The following SLC5A12 variants were observed in gnomAD, a reference collection of about 807,000 sequenced individuals.
SLC5A12 encodes solute carrier family 5 member 12.
In SLC5A12, 46 loss-of-function variants were observed where a neutral mutation model predicts 72.7. That is an observed-to-expected ratio of 0.63 (90% CI 0.50 to 0.81). SLC5A12 has a LOEUF of 0.81. Among genes scored for constraint, SLC5A12 ranks in the 30% least tolerant of loss-of-function variants. The pLI is 0.00. For missense variants in SLC5A12, 683 were observed against 740.7 expected (o/e 0.92, Z 0.90); for synonymous variants, 275 against 264.4 (o/e 1.04, Z -0.39).
chr11:26,689,415 A>C (rs1280930583), intron 9 of SLC5A12, among the ~76,000 whole-genome samples: 5 of 152,292 alleles, frequency 3.3e-5, no homozygotes, highest in Non-Finnish European at 5.9e-5. Flanking sequence ...AAAGAAAAAA[A>C]AAAGTGCAAT....
At chr11:26,681,710 C>A (rs560902725) in intron 11 of SLC5A12, among the ~76,000 whole-genome samples, 1 of 152,072 alleles carries the variant, frequency 6.6e-6, no homozygotes, top group Non-Finnish European at 1.5e-5. Flanking sequence ...CTAGCAAGTG[C>A]ATTTAATGGT....
intron 3 of SLC5A12, among the ~76,000 whole-genome samples, chr11:26,710,491 C>T (rs559494048): frequency 1.7e-4 from 26 of 152,186 alleles, no homozygotes; most frequent in African/African-American, 6.0e-4. Flanking sequence ...TATTTCTCCA[C>T]ATCCTCTCCA....
intron 13 of SLC5A12, among the ~76,000 whole-genome samples, chr11:26,673,844 T>C (rs1452202715): frequency 1.3e-5 from 2 of 152,154 alleles, no homozygotes. Context: ...GCAGTAATTA[T>C]GCAATTTCTT....
intron 9 of SLC5A12, among the ~76,000 whole-genome samples, chr11:26,690,385 G>T (rs1854638661): frequency 6.6e-6 from 1 of 151,694 alleles, no homozygotes; most frequent in Non-Finnish European, 1.5e-5. Context: ...TGTAATTAAA[G>T]AAAATAAGTA....
intron 3 of SLC5A12, 119 bp downstream of exon 3, chr11:26,711,188 T>C: frequency 1.3e-6 from 1 of 795,938 alleles, no homozygotes; most frequent in Non-Finnish European, 2.1e-6. Context: ...CTAATAGTAA[T>C]TCAGAATCCT....
rs1184083475 is a variant in SLC5A12, at chr11:26,669,159, T to G, written c.*1943A>C. The G allele has an allele frequency of 9.1e-6, 1 of 109,586 alleles. No individual in the cohort carries two copies. The highest frequency in any genetic ancestry group is 8.8e-5 in the Admixed American group (1 of 11,332). The allele number at this position is 109,586 out of a possible 1,614,324, so 6.8% of individuals were successfully genotyped here. A position where few individuals can be genotyped will look rare whatever the true frequency, so the allele number is the denominator to read the frequency against. On this transcript the variant is annotated 3_prime_UTR_variant, in exon 15 of 15. Transcript: ENST00000396005. ...ATTCTTTCTGTCTCTCTCTTCCTCT[T>G]CCTGTCTTTTTCTTTCTTTCTTTCT...
Position 26,703,954 on chromosome 11 carries a change from T to C in SLC5A12, c.526-7A>G, listed in dbSNP as rs780042830. 10 of 1,613,332 alleles carry C rather than the reference T, an allele frequency of 6.2e-6. No homozygotes were observed. The Admixed American group carries it at 1.3e-4, about 22-fold the overall frequency. ...CCACTGCTTTTAATCCTCCCTGAAA[T>C]AGAGAGAATGTTTGAGTCCTTGAAA... is the stretch of plus-strand genomic sequence containing the variant. On this transcript the variant is annotated splice_region_variant and splice_polypyrimidine_tract_variant and intron_variant, in intron 4 of 14. Coordinates refer to ENST00000396005, the MANE Select transcript of SLC5A12 (RefSeq NM_178498.4).
intron 9 of SLC5A12, among the ~76,000 whole-genome samples, chr11:26,689,669 T>G (rs574110266): frequency 2.6e-5 from 4 of 152,308 alleles, no homozygotes; most frequent in African/African-American, 9.6e-5. Flanking sequence ...AGGTGAATTT[T>G]TTTTTACATT....
intron 7 of SLC5A12, among the ~76,000 whole-genome samples, chr11:26,697,942 G>C (rs1170707902): frequency 1.6e-5 from 2 of 125,206 alleles, no homozygotes; most frequent in African/African-American, 3.0e-5. Flanking sequence ...TTGTCGCCCA[G>C]GCTGGAGTGC....
At position 26,681,051 on chromosome 11, in the gene SLC5A12, A is replaced by C; in HGVS notation, c.1475+4T>G. 6.3e-7 allele frequency: 1 copy of C among 1,586,622 alleles called. No homozygotes were observed. Among genetic ancestry groups the C allele is most frequent in the Non-Finnish European group, 8.6e-7 (1 of 1,166,754 alleles). ...ACTTAGCACCATCTATAAAGTCAGC[A>C]TACCTGCTGGATAGTACTGGAGGCC... On this transcript the variant is annotated splice_donor_region_variant and intron_variant, in intron 12 of 14. Coordinates refer to ENST00000396005, the MANE Select transcript of SLC5A12 (RefSeq NM_178498.4).
At chr11:26,680,411 TTC>T (rs1854383540) in intron 12 of SLC5A12, among the ~76,000 whole-genome samples, 2 of 51,374 alleles carry the variant, frequency 3.9e-5, no homozygotes, top group Non-Finnish European at 1.0e-4. Flanking sequence ...ATATATATAT[TTC>T]CTCATTTTTC....
chr11:26,696,554 C>T (rs1305375641), intron 8 of SLC5A12, among the ~76,000 whole-genome samples: 1 of 152,200 alleles, frequency 6.6e-6, no homozygotes, highest in Non-Finnish European at 1.5e-5. Flanking sequence ...CTGCTATACA[C>T]CTAGGGTATA....
intron 1 of SLC5A12, 108 bp downstream of exon 1, chr11:26,721,268 C>T (rs1855472721): frequency 2.4e-6 from 2 of 835,670 alleles, no homozygotes; most frequent in Non-Finnish European, 3.7e-6. Flanking sequence ...ATGTCTTTCT[C>T]ATAATGTGTA....
chr11:26,720,511 C>T (rs1855454556), intron 1 of SLC5A12, among the ~76,000 whole-genome samples: 1 of 151,810 alleles, frequency 6.6e-6, no homozygotes, highest in African/African-American at 2.4e-5. Flanking sequence ...TGTTCATTTG[C>T]CTGAGTGACT....
intron 9 of SLC5A12, chr11:26,691,843 G>A (rs1004188062): frequency 2.6e-5 from 4 of 152,184 alleles, no homozygotes; most frequent in Non-Finnish European, 4.4e-5. Flanking sequence ...TAAGCAAGGG[G>A]CAATTATTCT....
intron 13 of SLC5A12, among the ~76,000 whole-genome samples, chr11:26,675,446 G>T (rs1854243740): frequency 6.6e-6 from 1 of 152,142 alleles, no homozygotes; most frequent in African/African-American, 2.4e-5. Context: ...TCTCTTTCAT[G>T]AGCAAGACCT....
At chr11:26,678,687 C>A (rs763382628) in intron 13 of SLC5A12, 25 bp downstream of exon 13, 1 of 1,562,872 alleles carries the variant, frequency 6.4e-7, no homozygotes, top group Non-Finnish European at 8.8e-7. Context: ...CTTCTTTAGT[C>A]CCAAAGGGAG....
chr11:26,674,668 G>T (rs1221364564), intron 13 of SLC5A12, among the ~76,000 whole-genome samples: 1 of 152,118 alleles, frequency 6.6e-6, no homozygotes, highest in African/African-American at 2.4e-5. Context: ...CTCCCAAAGT[G>T]CTGTGATTAT....
chr11:26,705,567 A>G (rs1855064065), intron 4 of SLC5A12, among the ~76,000 whole-genome samples: 1 of 152,150 alleles, frequency 6.6e-6, no homozygotes, highest in African/African-American at 2.4e-5. Context: ...TTTTAAAAAT[A>G]GACATTAAAA....
Sources: gnomAD v4.1 joint callset for allele counts (sites outside exome capture counted in the v4.1 genomes callset) on GRCh38, gnomAD v4.1.1 for gene constraint, MANE v1.5 for transcripts, NCBI Gene and HGNC (gene_info 2026-07-23, HGNC 2026-07-21) for gene names.